The following FAM228A variants were observed in gnomAD, a reference collection of about 807,000 sequenced individuals.
The protein encoded by FAM228A is protein FAM228A.
In FAM228A, 13 loss-of-function variants were observed where a neutral mutation model predicts 18.6. The observed-to-expected ratio is 0.70, with a 90% CI of 0.45 to 1.11. FAM228A has a LOEUF of 1.11. Ranked by LOEUF, FAM228A falls within the 50% of genes least tolerant of loss-of-function variation. The probability of loss-of-function intolerance (pLI) is 0.00; values close to 1 mark genes in which losing one functional copy is unlikely to be tolerated. For missense variants in FAM228A, 240 were observed against 242.2 expected (o/e 0.99, Z 0.06); for synonymous variants, 77 against 86.6 (o/e 0.89, Z 0.61).
chr2:24,181,404 G>A (rs1649980061), intron 3 of FAM228A, among the ~76,000 whole-genome samples: 1 of 152,092 alleles, frequency 6.6e-6, no homozygotes, highest in Admixed American at 6.5e-5. Context: ...TTTTCTTTGA[G>A]ACAGAGTTTC....
At chr2:24,184,358 C>CTGTT (rs1322798951) in intron 5 of FAM228A, among the ~76,000 whole-genome samples, 1 of 141,414 alleles carries the variant, frequency 7.1e-6, no homozygotes, top group Non-Finnish European at 1.5e-5. Flanking sequence ...CCAGCCTGGG[C>CTGTT]AACAGAGTGA....
chr2:24,176,252 GCTT>G, intron 2 of FAM228A: 4 of 947,044 alleles, frequency 4.2e-6, no homozygotes, highest in Non-Finnish European at 5.0e-6. Context: ...AATATGTTCT[GCTT>G]CTCCAAATAA....
At chr2:24,185,113 G>A (rs562476990) in intron 5 of FAM228A, among the ~76,000 whole-genome samples, 272 of 152,182 alleles carry the variant, frequency 1.8e-3, no homozygotes, top group African/African-American at 4.8e-3. Context: ...GTGAGCCACC[G>A]TGCCTGGCCT....
At position 24,190,692 on chromosome 2, in the gene FAM228A, G is replaced by A; in HGVS notation, c.*61G>A. ...CAAGGGCGGAGGAGGCATGGCCCAA[G>A]AAGAAGGGTGTGAAGAGGAGGAGGG... is the stretch of plus-strand genomic sequence containing the variant. On this transcript the variant is annotated 3_prime_UTR_variant, in exon 6 of 6. Transcript: ENST00000295150. 1 of 1,480,022 alleles carries A rather than the reference G, an allele frequency of 6.8e-7. No homozygotes were observed. The highest frequency in any genetic ancestry group is 9.0e-7 in the Non-Finnish European group (1 of 1,116,330). 91.7% of individuals were successfully genotyped at this position (1,480,022 alleles called of 1,614,324 possible).
chr2:24,175,283 G>T, intron 1 of FAM228A, 109 bp downstream of exon 1: 1 of 582,756 alleles, frequency 1.7e-6, no homozygotes, highest in Middle Eastern at 4.6e-4. Flanking sequence ...GCCCGAGGAC[G>T]ACACGGGAGT....
intron 5 of FAM228A, chr2:24,188,494 C>A: frequency 3.0e-6 from 3 of 985,378 alleles, no homozygotes; most frequent in Non-Finnish European, 3.6e-6. Context: ...ATTGAGAAAC[C>A]AAGCACATTG....
chr2:24,175,201 TG>T, intron 1 of FAM228A, 27 bp downstream of exon 1: 2 of 403,806 alleles, frequency 5.0e-6, no homozygotes, highest in Non-Finnish European at 9.1e-6. Context: ...CCTACGGGCC[TG>T]GGGGTCGCGG....
chr2:24,175,429 C>A, intron 1 of FAM228A, 38 bp from the exon 2 acceptor site: 1 of 1,458,016 alleles, frequency 6.9e-7, no homozygotes, highest in Non-Finnish European at 9.6e-7. Flanking sequence ...CAACGGTAAC[C>A]GTCTTCCTCA....
intron 5 of FAM228A, chr2:24,188,522 C>T (rs557443962): frequency 4.5e-4 from 445 of 985,352 alleles, no homozygotes; most frequent in South Asian, 1.0e-3. Context: ...TGCCTCTTAG[C>T]GGGAGGGTGA....
chr2:24,186,906 G>A (rs186649865), intron 5 of FAM228A, among the ~76,000 whole-genome samples: 514 of 152,276 alleles, frequency 3.4e-3, no homozygotes, highest in Non-Finnish European at 4.5e-3. Context: ...AGAGTACTGG[G>A]GGATTTACAG....
At chr2:24,183,715 G>T in intron 5 of FAM228A, 70 bp downstream of exon 5, 1 of 1,314,462 alleles carries the variant, frequency 7.6e-7, no homozygotes, top group Non-Finnish European at 1.0e-6. Context: ...TGAAGCTCTT[G>T]TAACTAGTCA....
chr2:24,182,760 T>G (rs1240462463), intron 3 of FAM228A, among the ~76,000 whole-genome samples: 1 of 152,058 alleles, frequency 6.6e-6, no homozygotes, highest in Non-Finnish European at 1.5e-5. Context: ...GAAGACAGGA[T>G]CTAGCCTGGA....
chr2:24,183,501 G>A lies in FAM228A; in HGVS notation c.257G>A (p.Arg86Gln), dbSNP rs374795794. 29 of 1,610,212 alleles carry A rather than the reference G, an allele frequency of 1.8e-5. No individual in the cohort carries two copies. The South Asian group carries it at 2.1e-4, about 12-fold the overall frequency. ...RTGLQCETGK[R>Q]HSIKELEEIE... Reference sequence around the variant, plus strand: ...ATTTTTTATCTTCCTGTAGGAAAACGACATTCCATAAAAGAACTTGAAGAA... The same window carrying A: ...ATTTTTTATCTTCCTGTAGGAAAACAACATTCCATAAAAGAACTTGAAGAA... Residue 86 changes from arginine to glutamine, a missense_variant, in exon 5 of 6, where the codon CGA (arginine) becomes CAA (glutamine). Coordinates refer to ENST00000295150, the MANE Select transcript of FAM228A (RefSeq NM_001040710.3).
chr2:24,180,734 C>T (rs894935016), intron 3 of FAM228A, among the ~76,000 whole-genome samples: 1 of 152,172 alleles, frequency 6.6e-6, no homozygotes, highest in Non-Finnish European at 1.5e-5. Flanking sequence ...ATACATCTCT[C>T]AGGCAAGAGA....
chr2:24,191,123 T>C lies in FAM228A; in HGVS notation c.*492T>C. 10 of 985,766 alleles carry C rather than the reference T, an allele frequency of 1.0e-5. No individual in the cohort carries two copies. The highest frequency in any genetic ancestry group is 1.2e-5 in the Non-Finnish European group (10 of 830,162). The allele number at this position is 985,766 out of a possible 1,614,324, so 61.1% of individuals were successfully genotyped here. A position where few individuals can be genotyped will look rare whatever the true frequency, so the allele number is the denominator to read the frequency against. On this transcript the variant is annotated 3_prime_UTR_variant, in exon 6 of 6. Transcript: ENST00000295150. ...GAATTTTCTGAGTATGGATTTCTTA[T>C]CCAGAGCTCATGGTTCATTTGACAC...
intron 3 of FAM228A, chr2:24,179,222 GA>G: frequency 3.0e-6 from 3 of 1,011,320 alleles, no homozygotes; most frequent in East Asian, 8.0e-5. Flanking sequence ...GAGAATTATG[GA>G]AAAAGTAATT....
At position 24,187,795 on chromosome 2, in the gene FAM228A, C is replaced by G. The variant is rs556560783; in HGVS notation, c.402-2617C>G. Among the ~76,000 whole-genome samples, 5 of 152,312 alleles carry G rather than the reference C, an allele frequency of 3.3e-5. No individual in the cohort carries two copies. The South Asian group carries it at 1.0e-3, about 32-fold the overall frequency. On this transcript the variant is annotated intron_variant, in intron 5 of 5. Coordinates refer to ENST00000295150, the MANE Select transcript of FAM228A (RefSeq NM_001040710.3). ...TATATCTTGTTGTCTTTTACTCTTT[C>G]AATTGAGAAGTCACTTGCTAGTCTT... is the stretch of plus-strand genomic sequence containing the variant.
At chr2:24,182,021 C>T (rs1274415393) in intron 3 of FAM228A, among the ~76,000 whole-genome samples, 1 of 151,974 alleles carries the variant, frequency 6.6e-6, no homozygotes, top group Admixed American at 6.6e-5. Context: ...TGGAGCGTGG[C>T]GAGTGTCACA....
chr2:24,191,037 A>G lies in FAM228A; in HGVS notation c.*406A>G. The G allele has an allele frequency of 1.0e-6, 1 of 995,560 alleles. No individual in the cohort carries two copies. Among genetic ancestry groups the G allele is most frequent in the Non-Finnish European group, 1.2e-6 (1 of 836,852 alleles). The allele number at this position is 995,560 out of a possible 1,614,324, so 61.7% of individuals were successfully genotyped here. Reference sequence around the variant, plus strand: ...GTGGGAAGTTTTTGAAATGAAATTTATACCAAAAAATTAGGGCAAGATGAG... The same window carrying G: ...GTGGGAAGTTTTTGAAATGAAATTTGTACCAAAAAATTAGGGCAAGATGAG... On this transcript the variant is annotated 3_prime_UTR_variant, in exon 6 of 6. Transcript: ENST00000295150.
Sources: allele counts gnomAD v4.1 joint callset (sites outside exome capture counted in the v4.1 genomes callset), GRCh38; gene constraint gnomAD v4.1.1; transcripts MANE v1.5; gene names NCBI Gene and HGNC (gene_info 2026-07-23, HGNC 2026-07-21).